Variants in WDR19 observed in about 807,000 individuals in gnomAD.
WDR19 encodes WD repeat domain 19, also known as WD repeat-containing protein 19.
A neutral mutation model predicts 180.0 loss-of-function variants in WDR19; 121 were observed. The ratio of observed to expected loss-of-function variants is 0.67; its 90% CI spans 0.58 to 0.78. The LOEUF is 0.78. WDR19 is among the 30% of genes least tolerant of loss of function. The probability of loss-of-function intolerance (pLI) is 0.00; values close to 1 mark genes in which losing one functional copy is unlikely to be tolerated. For synonymous variants in WDR19, 497 were observed against 540.7 expected, an observed-to-expected ratio of 0.92 and a Z score of 1.12; for missense variants, 1,450 against 1,640.7, an observed-to-expected ratio of 0.88 and a Z score of 2.01.
chr4:39,231,991 T>C, intron 18 of WDR19, 35 bp downstream of exon 18: 1 of 1,595,510 alleles, frequency 6.3e-7, no homozygotes, highest in Non-Finnish European at 8.6e-7. Flanking sequence ...CAAGTTAAAA[T>C]TTAAATGCTA....
intron 17 of WDR19, among the ~76,000 whole-genome samples, chr4:39,231,531 A>C (rs1730861228): frequency 6.6e-6 from 1 of 152,224 alleles, no homozygotes; most frequent in Non-Finnish European, 1.5e-5. Flanking sequence ...AAAAAGAAAT[A>C]AATGAATAGG....
At chr4:39,278,005 C>T in intron 34 of WDR19, 126 bp from the exon 35 acceptor site, 1 of 755,294 alleles carries the variant, frequency 1.3e-6, no homozygotes, top group Non-Finnish European at 2.2e-6. Flanking sequence ...AGACAGCCAA[C>T]AATGTGCCAC....
rs566530507 is a variant in WDR19, at chr4:39,211,390, G to A, written c.891-3211G>A. ...CGGCACTCAGATTAGAAAGGAAGAA[G>A]GAAAACTATCTCTATTTGCAGATGT... On this transcript the variant is annotated intron_variant, in intron 9 of 36. Transcript: ENST00000399820. 4.6e-5 allele frequency among the ~76,000 whole-genome samples: 7 copies of A among 152,186 alleles called. No homozygotes were observed. The South Asian group carries it at 1.0e-3, about 23-fold the overall frequency.
intron 29 of WDR19, among the ~76,000 whole-genome samples, chr4:39,267,506 T>A (rs1734934400): frequency 1.3e-5 from 2 of 152,142 alleles, no homozygotes; most frequent in Admixed American, 6.6e-5. Flanking sequence ...GGAATAGGAA[T>A]GGAAAATGGC....
chr4:39,207,355 T>G (rs1293485537), intron 9 of WDR19, among the ~76,000 whole-genome samples: 1 of 152,176 alleles, frequency 6.6e-6, no homozygotes, highest in African/African-American at 2.4e-5. Context: ...ATTTGTGTCT[T>G]CGGAATCCCA....
chr4:39,253,076 A>G lies in WDR19; in HGVS notation c.2730-70A>G, dbSNP rs142083942. On this transcript the variant is annotated intron_variant, in intron 24 of 36. Coordinates refer to ENST00000399820, the MANE Select transcript of WDR19 (RefSeq NM_025132.4). The stretch of plus-strand genomic sequence containing the variant: ...ATCAATAAAATTTAAAAGTGTCCTA[A>G]ACATTTATCAACATTTTCTCCCCAA... 1,164 of 1,460,722 alleles carry G rather than the reference A, an allele frequency of 8.0e-4. 7 individuals are homozygous for G. The African/African-American group carries it at 0.015, about 19-fold the overall frequency. 90.5% of individuals were successfully genotyped at this position (1,460,722 alleles called of 1,614,324 possible).
chr4:39,194,609 G>C lies in WDR19; in HGVS notation c.356G>C (p.Gly119Ala), dbSNP rs1257397069. Residue 119 changes from glycine to alanine, a missense_variant, in exon 5 of 37, where the codon GGA becomes GCA. Coordinates refer to ENST00000399820, the MANE Select transcript of WDR19 (RefSeq NM_025132.4). ...TTCCTGGCTGTTGGAACTGTTAAAG[G>C]AAATTTGCTTATTTATAATCATCAG... The part of the protein sequence containing the change: ...GSFLAVGTVK[G>A]NLLIYNHQTS... The C allele has an allele frequency of 1.2e-6, 2 of 1,613,410 alleles. No individual in the cohort carries two copies. Among genetic ancestry groups the C allele is most frequent in the South Asian group, 1.1e-5 (1 of 90,918 alleles).
At chr4:39,282,696 C>A (rs1487148875) in intron 36 of WDR19, among the ~76,000 whole-genome samples, 2 of 152,098 alleles carry the variant, frequency 1.3e-5, no homozygotes, top group East Asian at 3.8e-4. Context: ...CCGTGCCCGG[C>A]CTATTTTGCA....
At chr4:39,235,720 T>C (rs1731307103) in intron 20 of WDR19, among the ~76,000 whole-genome samples, 1 of 151,942 alleles carries the variant, frequency 6.6e-6, no homozygotes, top group Admixed American at 6.6e-5. Flanking sequence ...GCAAAAAATA[T>C]TTGCAAACTA....
At chr4:39,232,348 G>C in intron 19 of WDR19, 76 bp downstream of exon 19, 5 of 1,253,532 alleles carry the variant, frequency 4.0e-6, no homozygotes, top group South Asian at 1.4e-5. Flanking sequence ...AATGGGGCCG[G>C]GTGCAGCCGC....
intron 14 of WDR19, among the ~76,000 whole-genome samples, chr4:39,224,263 G>A (rs756824324): frequency 5.9e-5 from 9 of 151,554 alleles, no homozygotes; most frequent in Non-Finnish European, 8.8e-5. Context: ...ATATAATAGG[G>A]GTATTTCTAG....
intron 3 of WDR19, among the ~76,000 whole-genome samples, chr4:39,188,284 A>T (rs1473151167): frequency 6.6e-6 from 1 of 152,138 alleles, no homozygotes; most frequent in Non-Finnish European, 1.5e-5. Flanking sequence ...TTTATTAAGG[A>T]TTTAAGAAAT....
chr4:39,266,178 TCA>T (rs1734776326), intron 29 of WDR19, 38 bp downstream of exon 29: 1 of 1,490,452 alleles, frequency 6.7e-7, no homozygotes. Context: ...TCCTCAGGTC[TCA>T]GTTACAGTTT....
chr4:39,232,168 G>C lies in WDR19; in HGVS notation c.2149G>C (p.Glu717Gln), dbSNP rs1160646114. Residue 717 changes from glutamate to glutamine, a missense_variant, in exon 19 of 37, where the codon GAG becomes CAG. By Grantham distance (29) the Glu-to-Gln change is conservative. Transcript: ENST00000399820. The stretch of plus-strand genomic sequence containing the variant: ...GAATTGCTTTTATTTGTAGGGAATA[G>C]AGGACTACAATCTTTTGGCAGGACA... ...VMSLEQIKGI[E>Q]DYNLLAGHLA... 1.2e-6 allele frequency: 2 copies of C among 1,612,428 alleles called. No homozygotes were observed. Among genetic ancestry groups the C allele is most frequent in the African/African-American group, 1.3e-5 (1 of 74,646 alleles).
rs1170912793 is a variant in WDR19 at position 39,231,870 on chromosome 4, C to T, written c.2056C>T (p.Leu686=). 7 of 1,612,954 alleles carry T rather than the reference C, an allele frequency of 4.3e-6. No individual in the cohort carries two copies. The highest frequency in any genetic ancestry group is 5.1e-6 in the Non-Finnish European group (6 of 1,179,158). The change falls in exon 18 of 37, where the codon CTA becomes TTA. Residue 686 remains leucine (L), a synonymous_variant. Transcript: ENST00000399820. ...CTGGAATGAGTTGGCCAGAGCTTGTCTACATCACATGGAAGTGGAGTTTGC... is the reference window on the plus strand; with the variant it reads ...CTGGAATGAGTTGGCCAGAGCTTGTTTACATCACATGGAAGTGGAGTTTGC... The part of the protein sequence containing the change: ...AAWNELARAC[L]HHMEVEFAIR...
At chr4:39,253,879 C>T in intron 25 of WDR19, 27 bp from the exon 26 acceptor site, 1 of 1,560,792 alleles carries the variant, frequency 6.4e-7, no homozygotes, top group Non-Finnish European at 8.7e-7. Flanking sequence ...TATTAAGAGT[C>T]TAGCTAATTA....
At chr4:39,231,756 A>G (rs1419387465) in intron 17 of WDR19, 41 bp from the exon 18 acceptor site, 2 of 1,507,180 alleles carry the variant, frequency 1.3e-6, no homozygotes, top group African/African-American at 2.7e-5. Context: ...AACATGTGGC[A>G]AGTGGAACAT....
chr4:39,244,628 T>C, intron 23 of WDR19, 76 bp downstream of exon 23: 2 of 1,495,486 alleles, frequency 1.3e-6, no homozygotes, highest in Non-Finnish European at 1.9e-6. Flanking sequence ...ACTTGCCTCC[T>C]TGCCATGCTT....
At chr4:39,249,955 A>C (rs1453044971) in intron 24 of WDR19, among the ~76,000 whole-genome samples, 4 of 152,222 alleles carry the variant, frequency 2.6e-5, no homozygotes, top group Non-Finnish European at 5.9e-5. Context: ...AAACTATTCC[A>C]ATCAATAGAA....
Sources: allele counts gnomAD v4.1 joint callset (sites outside exome capture counted in the v4.1 genomes callset), GRCh38; gene constraint gnomAD v4.1.1; transcripts MANE v1.5; gene names NCBI Gene and HGNC (gene_info 2026-07-23, HGNC 2026-07-21).